Variants in NPIPB2 observed in about 807,000 individuals in gnomAD.
NPIPB2 encodes the protein nuclear pore complex-interacting protein family member B2.
NPIPB2 carries 27 observed loss-of-function variants against 30.8 expected under a neutral mutation model. The ratio of observed to expected loss-of-function variants is 0.88; its 90% CI spans 0.65 to 1.21. The LOEUF (loss-of-function observed/expected upper bound fraction) is 1.21. Among genes scored for constraint, NPIPB2 ranks in the 50% most tolerant of loss-of-function variants. The pLI, the probability that NPIPB2 is intolerant of heterozygous loss-of-function variation, is 0.00. For missense variants in NPIPB2, 440 were observed against 446.2 expected (o/e 0.99, Z 0.13); for synonymous variants, 147 against 162.0 (o/e 0.91, Z 0.70).
intron 1 of NPIPB2, chr16:11,968,671 G>A (rs192323675): frequency 1.3e-5 from 2 of 152,190 alleles, no homozygotes; most frequent in Admixed American, 6.6e-5. Flanking sequence ...GGTGTTATCT[G>A]TGTAGCATTT....
At chr16:11,972,120 C>T (rs980650483) in intron 1 of NPIPB2, among the ~76,000 whole-genome samples, 6 of 150,962 alleles carry the variant, frequency 4.0e-5, no homozygotes. Context: ...CACTCCACAG[C>T]CCAGGCGACA....
At chr16:11,953,552 A>G (rs2055086148) in intron 1 of NPIPB2, among the ~76,000 whole-genome samples, 2 of 151,894 alleles carry the variant, frequency 1.3e-5, no homozygotes, top group Non-Finnish European at 2.9e-5. Context: ...GAGTTTCCCC[A>G]TGTTAGCCAG....
chr16:11,967,530 T>C lies in NPIPB2; in HGVS notation c.-584+9038A>G, dbSNP rs2150941775. On this transcript the variant is annotated intron_variant, in intron 1 of 5. Coordinates refer to the NPIPB2 transcript ENST00000538896. ...CTAAGACTCTCATGACCACATTCTC[T>C]GTGAAGTTTGGGTTAATGTTTCCGT... The C allele has an allele frequency of 1.9e-6, 3 of 1,587,126 alleles. No homozygotes were observed. The East Asian group carries it at 6.7e-5, about 36-fold the overall frequency.
chr16:11,949,819 G>C (rs564689695), intron 1 of NPIPB2, among the ~76,000 whole-genome samples: 2 of 152,232 alleles, frequency 1.3e-5, no homozygotes, highest in South Asian at 4.1e-4. Context: ...TGTCACCTTT[G>C]AGTCACTTGA....
chr16:11,944,733 CAAAAAAA>C (rs56283093), upstream of NPIPB2, among the ~76,000 whole-genome samples: 4 of 46,128 alleles, frequency 8.7e-5, no homozygotes, highest in Admixed American at 3.8e-4. Flanking sequence ...GACTCCGTGT[CAAAAAAA>C]AAAAAAAAAA....
At chr16:11,949,995 C>T (rs1420474269) in intron 1 of NPIPB2, among the ~76,000 whole-genome samples, 1 of 152,186 alleles carries the variant, frequency 6.6e-6, no homozygotes, top group Admixed American at 6.6e-5. Context: ...GTGTTCTCTG[C>T]AACCACATAA....
chr16:11,975,062 G>A (rs908175683), intron 1 of NPIPB2, among the ~76,000 whole-genome samples: 2 of 149,050 alleles, frequency 1.3e-5, no homozygotes, highest in African/African-American at 4.9e-5. Flanking sequence ...GCGACAGAGC[G>A]AGATGCCGTC....
rs372839196 is a variant in NPIPB2 at position 11,933,527 on chromosome 16, C to T, written c.478G>A (p.Ala160Thr). 3.5e-4 allele frequency: 560 copies of T among 1,596,886 alleles called. 5 individuals carry two copies. In the South Asian group the frequency reaches 5.7e-3, roughly 16 times the overall value. ...CAAGGCACATCTTACTGTTTTTTGG[C>T]GGTCTTCCTCTTTCCATTGATTTTG... is the stretch of plus-strand genomic sequence containing the variant. The change falls in exon 4 of 8, where the codon GCC (alanine) becomes ACC (threonine). Residue 160 changes from alanine to threonine, a missense_variant. Ala to Thr is a moderately conservative substitution (Grantham distance 58, BLOSUM62 0). Coordinates refer to ENST00000399147, the Ensembl canonical transcript of NPIPB2.
At chr16:11,934,495 GTGA>G (rs1398392054) in intron 2 of NPIPB2, among the ~76,000 whole-genome samples, 1 of 149,352 alleles carries the variant, frequency 6.7e-6, no homozygotes, top group Non-Finnish European at 1.5e-5. Context: ...AAAGGTTGTG[GTGA>G]GCTGAGATTG....
intron 1 of NPIPB2, among the ~76,000 whole-genome samples, chr16:11,958,367 G>T (rs1041543058): frequency 2.6e-5 from 4 of 151,566 alleles, no homozygotes; most frequent in Non-Finnish European, 4.4e-5. Context: ...GGCGGAGGTT[G>T]CAGTGAGCCC....
intron 1 of NPIPB2, among the ~76,000 whole-genome samples, chr16:11,947,586 T>G (rs2055024773): frequency 6.6e-6 from 1 of 151,742 alleles, no homozygotes; most frequent in Non-Finnish European, 1.5e-5. Flanking sequence ...CCTCGTGATC[T>G]GCCCACCTCG....
chr16:11,972,935 C>T (rs1019288538), intron 1 of NPIPB2, among the ~76,000 whole-genome samples: 2 of 151,150 alleles, frequency 1.3e-5, no homozygotes, highest in African/African-American at 4.9e-5. Flanking sequence ...CCGAGGCGGG[C>T]GGATCACCTG....
upstream of NPIPB2, among the ~76,000 whole-genome samples, chr16:11,945,302 G>C (rs2054994517): frequency 6.6e-6 from 1 of 152,104 alleles, no homozygotes; most frequent in African/African-American, 2.4e-5. Flanking sequence ...CATCCCTTGA[G>C]GCCAGGAGTT....
intron 1 of NPIPB2, among the ~76,000 whole-genome samples, chr16:11,971,622 G>A (rs1208102042): frequency 6.6e-6 from 1 of 151,984 alleles, no homozygotes; most frequent in Admixed American, 6.6e-5. Context: ...AGCCTCTCAA[G>A]TAGCTGGGAT....
chr16:11,965,451 G>C, intron 1 of NPIPB2: 1 of 1,613,982 alleles, frequency 6.2e-7, no homozygotes, highest in Non-Finnish European at 8.5e-7. Flanking sequence ...TTATTGTAAT[G>C]CAAGTAAGTA....
At chr16:11,959,360 T>G (rs1259996218) in intron 1 of NPIPB2, among the ~76,000 whole-genome samples, 1 of 152,080 alleles carries the variant, frequency 6.6e-6, no homozygotes, top group East Asian at 1.9e-4. Flanking sequence ...AGTGGGAGAA[T>G]AGCTTGAGGC....
chr16:11,966,166 A>G (rs11570144), intron 1 of NPIPB2: 19,235 of 1,585,808 alleles, frequency 0.012, 162 homozygotes, highest in Non-Finnish European at 0.015. Flanking sequence ...TTATCAGCTC[A>G]TTATCTGTCT....
chr16:11,927,514 T>A (rs1184055991), exon 8 of NPIPB2: 1 of 1,543,186 alleles, frequency 6.5e-7, no homozygotes, highest in Non-Finnish European at 8.8e-7. Context: ...GCCTCTTGGG[T>A]TCGGGTGGTG....
At chr16:11,967,742 G>A (rs1259565059) in intron 1 of NPIPB2, 1 of 1,614,222 alleles carries the variant, frequency 6.2e-7, no homozygotes, top group South Asian at 1.1e-5. Context: ...CAGCTATGGA[G>A]GAAGGCGCAA....
Sources: gnomAD v4.1 joint callset for allele counts (sites outside exome capture counted in the v4.1 genomes callset) on GRCh38, gnomAD v4.1.1 for gene constraint, MANE v1.5 for transcripts, NCBI Gene and HGNC (gene_info 2026-07-23, HGNC 2026-07-21) for gene names.